Variants in SDCCAG8 observed in about 807,000 individuals in gnomAD.
The protein encoded by SDCCAG8 is serologically defined colon cancer antigen 8.
SDCCAG8 carries 74 observed loss-of-function variants against 101.8 expected under a neutral mutation model. That is an observed-to-expected ratio of 0.73 (90% CI 0.60 to 0.88). SDCCAG8 has a LOEUF of 0.88. Ranked by LOEUF, SDCCAG8 falls within the 40% of genes least tolerant of loss-of-function variation. The pLI is 0.00. For missense variants in SDCCAG8, 787 were observed against 822.6 expected (o/e 0.96, Z 0.53); for synonymous variants, 281 against 292.9 (o/e 0.96, Z 0.41).
chr1:243,413,204 T>C (rs569999047), intron 13 of SDCCAG8, among the ~76,000 whole-genome samples: 3 of 152,190 alleles, frequency 2.0e-5, no homozygotes, highest in Non-Finnish European at 4.4e-5. Flanking sequence ...ATTTATTTTT[T>C]ATTTTTATTT....
At chr1:243,319,399 G>C (rs2073556811) in intron 9 of SDCCAG8, among the ~76,000 whole-genome samples, 5 of 151,982 alleles carry the variant, frequency 3.3e-5, no homozygotes, top group Admixed American at 3.3e-4. Flanking sequence ...TTGAGACAGA[G>C]TTTCATTCTT....
At position 243,285,959 on chromosome 1, in the gene SDCCAG8, T is replaced by G. The variant is rs1312518081; in HGVS notation, c.421-313T>G. Among the ~76,000 whole-genome samples, 3 of 152,334 alleles carry G rather than the reference T, an allele frequency of 2.0e-5. No individual in the cohort carries two copies. The South Asian group carries it at 6.2e-4, about 32-fold the overall frequency. On this transcript the variant is annotated intron_variant, in intron 4 of 17. Coordinates refer to ENST00000366541, the MANE Select transcript of SDCCAG8 (RefSeq NM_006642.5). ...ATCTTATTTTTCAGAATCTACTCCA[T>G]TCTTTAAAATCTCTTGGATAACCCT...
At chr1:243,259,742 C>T (rs1445073440) in intron 1 of SDCCAG8, among the ~76,000 whole-genome samples, 1 of 151,830 alleles carries the variant, frequency 6.6e-6, no homozygotes. Flanking sequence ...TTGCTTGAGC[C>T]TGGGAGGCGC....
intron 16 of SDCCAG8, among the ~76,000 whole-genome samples, chr1:243,465,421 C>T (rs968517508): frequency 4.6e-5 from 7 of 152,286 alleles, no homozygotes; most frequent in Middle Eastern, 3.4e-3. Context: ...TTTGGCTTTT[C>T]GAATTTTGGA....
intron 17 of SDCCAG8, among the ~76,000 whole-genome samples, chr1:243,497,574 G>A (rs557523417): frequency 6.7e-5 from 10 of 150,180 alleles, no homozygotes; most frequent in Non-Finnish European, 1.5e-4. Context: ...GAACAGCTCC[G>A]ATAGTGATAA....
chr1:243,298,140 C>A (rs1307309798), intron 6 of SDCCAG8, among the ~76,000 whole-genome samples: 1 of 151,690 alleles, frequency 6.6e-6, no homozygotes, highest in Admixed American at 6.6e-5. Flanking sequence ...CCTCCACCTC[C>A]CTGGTTCAGG....
intron 15 of SDCCAG8, among the ~76,000 whole-genome samples, chr1:243,425,279 T>A (rs1454084957): frequency 6.6e-6 from 1 of 152,122 alleles, no homozygotes; most frequent in Non-Finnish European, 1.5e-5. Flanking sequence ...CGTGCTGACA[T>A]ATTGAGAACT....
At chr1:243,485,634 G>A (rs552078614) in intron 16 of SDCCAG8, among the ~76,000 whole-genome samples, 10 of 152,298 alleles carry the variant, frequency 6.6e-5, no homozygotes, top group Admixed American at 1.3e-4. Flanking sequence ...AGCCAGGCGC[G>A]GTGGCTCATG....
intron 10 of SDCCAG8, among the ~76,000 whole-genome samples, chr1:243,334,881 C>T (rs750053928): frequency 5.9e-5 from 9 of 152,176 alleles, no homozygotes; most frequent in Non-Finnish European, 1.3e-4. Context: ...AGCCACTGCG[C>T]GTGGCCCAGA....
chr1:243,386,008 A>G (rs552992987), intron 13 of SDCCAG8, among the ~76,000 whole-genome samples: 19 of 152,210 alleles, frequency 1.2e-4, no homozygotes, highest in Non-Finnish European at 2.4e-4. Context: ...TCGTCTTAGT[A>G]TCTGCGTGGT....
At chr1:243,272,572 A>G (rs556114025) in intron 3 of SDCCAG8, among the ~76,000 whole-genome samples, 22 of 152,296 alleles carry the variant, frequency 1.4e-4, no homozygotes, top group Admixed American at 1.2e-3. Flanking sequence ...GAATGCTCAG[A>G]CATGCTTATT....
intron 1 of SDCCAG8, among the ~76,000 whole-genome samples, chr1:243,260,673 T>TATACATGACTCACCTA (rs1207616368): frequency 1.3e-5 from 2 of 152,220 alleles, no homozygotes; most frequent in East Asian, 3.8e-4. Flanking sequence ...ACAACACCTG[T>TATACATGACTCACCTA]ATACATGACT....
At chr1:243,498,557 C>T (rs1668642183) in intron 17 of SDCCAG8, among the ~76,000 whole-genome samples, 1 of 152,222 alleles carries the variant, frequency 6.6e-6, no homozygotes, top group South Asian at 2.1e-4. Context: ...TACTCACAGA[C>T]CTGTTCAAGA....
intron 17 of SDCCAG8, among the ~76,000 whole-genome samples, chr1:243,499,191 A>AAACT (rs1190908099): frequency 6.6e-6 from 1 of 152,208 alleles, no homozygotes; most frequent in Non-Finnish European, 1.5e-5. Context: ...TATCTGCGTA[A>AAACT]AACTAAGAGA....
intron 16 of SDCCAG8, among the ~76,000 whole-genome samples, chr1:243,467,463 C>T (rs898366731): frequency 1.3e-5 from 2 of 152,186 alleles, no homozygotes; most frequent in African/African-American, 4.8e-5. Context: ...TCATCAGATA[C>T]AAGAGGAGAG....
chr1:243,494,807 A>G (rs1667397129), intron 17 of SDCCAG8, among the ~76,000 whole-genome samples: 1 of 152,262 alleles, frequency 6.6e-6, no homozygotes, highest in South Asian at 2.1e-4. Context: ...GGAGCTAAAT[A>G]TTTTAATCCA....
chr1:243,341,974 G>T (rs1226468727), intron 11 of SDCCAG8, among the ~76,000 whole-genome samples: 5 of 152,018 alleles, frequency 3.3e-5, no homozygotes, highest in African/African-American at 7.2e-5. Flanking sequence ...TGACATATTT[G>T]TAATGCCATT....
chr1:243,356,297 A>G (rs1194182092), intron 12 of SDCCAG8, among the ~76,000 whole-genome samples: 1 of 152,086 alleles, frequency 6.6e-6, no homozygotes, highest in Non-Finnish European at 1.5e-5. Context: ...CAGAACCTGA[A>G]GTTTGAAGTA....
chr1:243,385,833 G>A (rs1421617586), intron 13 of SDCCAG8, among the ~76,000 whole-genome samples: 1 of 152,128 alleles, frequency 6.6e-6, no homozygotes, highest in Non-Finnish European at 1.5e-5. Context: ...GCCAGGCATG[G>A]TGTTGCAAGC....
Sources: allele counts gnomAD v4.1 joint callset (sites outside exome capture counted in the v4.1 genomes callset), GRCh38; gene constraint gnomAD v4.1.1; transcripts MANE v1.5; gene names NCBI Gene and HGNC (gene_info 2026-07-23, HGNC 2026-07-21).